Variants in ZNF880 observed in about 807,000 individuals in gnomAD.
The protein encoded by ZNF880 is zinc finger protein 880, also known as zinc finger protein LOC400713.
Under a neutral mutation model 11.8 loss-of-function variants are expected in ZNF880, and 12 were observed. That is an observed-to-expected ratio of 1.02 (90% CI 0.65 to 1.65). The LOEUF is 1.65. Among genes scored for constraint, ZNF880 ranks in the 40% most tolerant of loss-of-function variants. The probability of loss-of-function intolerance (pLI) is 0.00; values close to 1 mark genes in which losing one functional copy is unlikely to be tolerated. For missense variants in ZNF880, 601 were observed against 673.9 expected (o/e 0.89, Z 1.20); for synonymous variants, 210 against 232.4 (o/e 0.90, Z 0.88).
chr19:52,369,043 C>T (rs1392071845), upstream of ZNF880, among the ~76,000 whole-genome samples: 2 of 123,718 alleles, frequency 1.6e-5, no homozygotes, highest in East Asian at 4.5e-4. Context: ...CAGGTATACA[C>T]TAGGATTAAT....
At chr19:52,376,294 G>A (rs1986548235) in intron 3 of ZNF880, among the ~76,000 whole-genome samples, 1 of 151,924 alleles carries the variant, frequency 6.6e-6, no homozygotes, top group Non-Finnish European at 1.5e-5. Flanking sequence ...AGTGTAAAGT[G>A]GTCCCTTTCA....
Position 52,384,452 on chromosome 19 carries a change from C to A in ZNF880, c.872C>A (p.Thr291Asn). 1 of 1,614,174 alleles carries A rather than the reference C, an allele frequency of 6.2e-7. No individual in the cohort carries two copies. Among genetic ancestry groups the A allele is most frequent in the East Asian group, 2.2e-5 (1 of 44,870 alleles). The change falls in exon 4 of 4, where the codon ACT becomes AAT. Residue 291 changes from threonine to asparagine, a missense_variant. By Grantham distance (65) the Thr-to-Asn change is moderately conservative. Around this residue, in one of 3 missense-constraint regions of ZNF880, gnomAD observed 420 missense variants for 442.6 expected, o/e 0.95. Transcript: ENST00000422689. Reference protein sequence around the residue: ...SHLANHHRIHTGEKPYKCNEC... With the variant: ...SHLANHHRIHNGEKPYKCNEC... ...CTTGCAAATCATCACAGAATCCACA[C>A]TGGAGAGAAACCTTACAAATGTAAT...
chr19:52,378,697 C>T (rs1042727141), intron 3 of ZNF880, among the ~76,000 whole-genome samples: 3 of 151,084 alleles, frequency 2.0e-5, no homozygotes, highest in African/African-American at 4.9e-5. Flanking sequence ...CCCGAGTCCT[C>T]GTGACAGAAT....
intron 3 of ZNF880, among the ~76,000 whole-genome samples, chr19:52,376,253 A>G (rs910501166): frequency 6.6e-5 from 10 of 152,078 alleles, no homozygotes; most frequent in African/African-American, 2.2e-4. Flanking sequence ...TGTTCTCCAT[A>G]GTGGTTGTAC....
intron 3 of ZNF880, among the ~76,000 whole-genome samples, chr19:52,376,867 CT>C (rs1317523242): frequency 2.6e-5 from 4 of 151,938 alleles, no homozygotes; most frequent in African/African-American, 9.7e-5. Context: ...GTTTGAGTTC[CT>C]TGTAGATTCT....
At chr19:52,390,250 C>T (rs998122319), downstream of ZNF880, 8 of 294,594 alleles carry the variant, frequency 2.7e-5, no homozygotes, top group East Asian at 3.8e-4. Flanking sequence ...AAGTCCTCAC[C>T]GCAAGGTTGA....
chr19:52,393,146 C>T, the ZNF880 span, among the ~76,000 whole-genome samples: 1 of 151,102 alleles, frequency 6.6e-6, no homozygotes, highest in Non-Finnish European at 1.5e-5. Context: ...AATCTCGGCT[C>T]ACTGCAACCT....
chr19:52,394,301 A>G, the ZNF880 span, among the ~76,000 whole-genome samples: 3 of 152,120 alleles, frequency 2.0e-5, no homozygotes, highest in Non-Finnish European at 2.9e-5. Context: ...CAGTGGAGCA[A>G]TCTCAGCTAC....
chr19:52,381,851 AC>A (rs1251738178), intron 3 of ZNF880, among the ~76,000 whole-genome samples: 3 of 151,686 alleles, frequency 2.0e-5, no homozygotes, highest in African/African-American at 7.3e-5. Context: ...AGAAAGGTCT[AC>A]TTCACAACTC....
intron 3 of ZNF880, among the ~76,000 whole-genome samples, chr19:52,382,915 T>C (rs562317760): frequency 6.6e-6 from 1 of 152,362 alleles, no homozygotes; most frequent in South Asian, 2.1e-4. Context: ...CAATAGTTTG[T>C]ATATTGTTCC....
At chr19:52,374,123 T>C (rs1295627545) in intron 2 of ZNF880, among the ~76,000 whole-genome samples, 176 bp from the exon 3 acceptor site, 2 of 151,646 alleles carry the variant, frequency 1.3e-5, no homozygotes, top group African/African-American at 4.8e-5. Flanking sequence ...TGGAGTGCAG[T>C]GGCGCGATCT....
chr19:52,372,628 GCA>G (rs774567367), intron 1 of ZNF880, among the ~76,000 whole-genome samples: 2 of 149,700 alleles, frequency 1.3e-5, no homozygotes, highest in African/African-American at 2.4e-5. Context: ...GGTTGGGCAT[GCA>G]GTGGCTCATG....
At chr19:52,394,002 A>G in the ZNF880 span, among the ~76,000 whole-genome samples, 1 of 143,762 alleles carries the variant, frequency 7.0e-6, no homozygotes, top group Non-Finnish European at 1.5e-5. Flanking sequence ...ACACCTGGCT[A>G]ATTTTTTTGT....
At chr19:52,394,993 A>G in the ZNF880 span, 1 of 152,354 alleles carries the variant, frequency 6.6e-6, no homozygotes, top group Non-Finnish European at 1.5e-5. Context: ...ATGTCTATCT[A>G]AAGATCCTTA....
At chr19:52,391,695 A>G in the ZNF880 span, 1 of 152,132 alleles carries the variant, frequency 6.6e-6, no homozygotes, top group Non-Finnish European at 1.5e-5. Context: ...GAATTGGAAA[A>G]CTGTCTATAA....
chr19:52,387,967 C>T (rs1986932765), downstream of ZNF880, among the ~76,000 whole-genome samples: 1 of 137,226 alleles, frequency 7.3e-6, no homozygotes, highest in East Asian at 2.1e-4. Context: ...GCAACCTCCA[C>T]CTCCCAGGTT....
chr19:52,385,963 T>C (rs569112399), downstream of ZNF880, among the ~76,000 whole-genome samples: 81 of 141,472 alleles, frequency 5.7e-4, 5 homozygotes, highest in South Asian at 0.01. Context: ...ATCACGAGGT[T>C]AGGAGATCAA....
At chr19:52,390,164 TA>T (rs772778979), downstream of ZNF880, 10 of 177,386 alleles carry the variant, frequency 5.6e-5, no homozygotes, top group Non-Finnish European at 1.1e-4. Context: ...CACAGGGCCA[TA>T]TAGACAGCTC....
Position 52,384,078 on chromosome 19 carries a change from T to C in ZNF880, c.498T>C (p.Asp166=). 1 of 1,581,968 alleles carries C rather than the reference T, an allele frequency of 6.3e-7. No homozygotes were observed. Among genetic ancestry groups the C allele is most frequent in the East Asian group, 2.3e-5 (1 of 43,446 alleles). ...TAAATAAATACAGAAATGATTTTGA[T>C]GATTCTCCATTTCTCCCACAAGAAC... ...HILNKYRNDF[D]DSPFLPQEQK... Residue 166 remains aspartate (D), a synonymous_variant, in exon 4 of 4, where the codon GAT becomes GAC. Transcript: ENST00000422689.
Sources: gnomAD v4.1 joint callset for allele counts (sites outside exome capture counted in the v4.1 genomes callset) on GRCh38, gnomAD v4.1.1 for gene constraint, gnomAD v4.1.1 regional missense constraint, MANE v1.5 for transcripts, NCBI Gene and HGNC (gene_info 2026-07-23, HGNC 2026-07-21) for gene names.